Variants in FAM78B observed in about 807,000 individuals in gnomAD.
FAM78B encodes protein FAM78B.
Under a neutral mutation model 20.0 loss-of-function variants are expected in FAM78B, and 10 were observed. The ratio of observed to expected loss-of-function variants is 0.50; its 90% CI spans 0.31 to 0.85. FAM78B has a LOEUF of 0.85. Ranked by LOEUF, FAM78B falls within the 40% of genes least tolerant of loss-of-function variation. FAM78B has a pLI of 0.05. For synonymous variants in FAM78B, 135 were observed against 132.8 expected (o/e 1.02, Z -0.12); for missense variants, 283 against 345.0 (o/e 0.82, Z 1.42).
Position 166,069,810 on chromosome 1 carries a change from C to G in FAM78B, c.*431G>C, listed in dbSNP as rs997589018. On this transcript the variant is annotated 3_prime_UTR_variant, in exon 2 of 2. Coordinates refer to ENST00000354422, the MANE Select transcript of FAM78B (RefSeq NM_001017961.5). ...ATTTCCCCAGCACCCTCCAGTCAGA[C>G]AGCAGGAGTCTGTCTTACGACCACC... is the stretch of plus-strand genomic sequence containing the variant. The G allele has an allele frequency of 5.1e-6, 1 of 197,758 alleles. No individual in the cohort carries two copies. The highest frequency in any genetic ancestry group is 2.4e-5 in the African/African-American group (1 of 42,392). 12.3% of individuals were successfully genotyped at this position (197,758 alleles called of 1,614,324 possible).
intron 1 of FAM78B, among the ~76,000 whole-genome samples, chr1:166,089,836 A>G (rs913434483): frequency 6.6e-6 from 1 of 152,022 alleles, no homozygotes; most frequent in Non-Finnish European, 1.5e-5. Flanking sequence ...CTCCAGGGAA[A>G]AGGGAACTCT....
chr1:166,138,990 G>A (rs556200070), intron 1 of FAM78B, among the ~76,000 whole-genome samples: 4 of 152,304 alleles, frequency 2.6e-5, no homozygotes, highest in African/African-American at 9.6e-5. Flanking sequence ...TGTTCCCTGA[G>A]TTGTCTCCCT....
intron 1 of FAM78B, among the ~76,000 whole-genome samples, chr1:166,138,368 G>A (rs1353241772): frequency 6.6e-6 from 1 of 151,710 alleles, no homozygotes; most frequent in Non-Finnish European, 1.5e-5. Flanking sequence ...AATATCACAG[G>A]GATCTCAAGA....
intron 1 of FAM78B, among the ~76,000 whole-genome samples, chr1:166,111,281 C>T (rs1043872694): frequency 6.6e-6 from 1 of 152,208 alleles, no homozygotes; most frequent in Non-Finnish European, 1.5e-5. Flanking sequence ...GAACTCTCTC[C>T]AGGACTGATA....
At chr1:166,064,127 G>A (rs1651712223) in intron 2 of FAM78B, among the ~76,000 whole-genome samples, 1 of 152,190 alleles carries the variant, frequency 6.6e-6, no homozygotes, top group African/African-American at 2.4e-5. Flanking sequence ...CATGGGGAAT[G>A]GGGCTGCCTC....
Position 166,109,826 on chromosome 1 carries a change from ATATATGTATATATG to A in FAM78B, c.264-39077_264-39064del, listed in dbSNP as rs1415155962. ...TATATGTATATATGTATATATATATATATATGTATATATGTATATATATATATATATATATGTAT... is the reference window on the plus strand; with the variant it reads ...TATATGTATATATGTATATATATATATATATATATATATATATATATGTAT... On this transcript the variant is annotated intron_variant, in intron 1 of 1. Transcript: ENST00000354422. 7.8e-3 allele frequency among the ~76,000 whole-genome samples: 132 copies of A among 16,854 alleles called. 23 individuals carry two copies. Among genetic ancestry groups the A allele is most frequent in the African/African-American group, 0.029 (125 of 4,380 alleles). The allele number at this position is 16,854 out of a possible 152,430, so 11.1% of individuals were successfully genotyped here. A position where few individuals can be genotyped will look rare whatever the true frequency, so the allele number is the denominator to read the frequency against.
chr1:166,162,912 T>C (rs918142373), intron 1 of FAM78B, among the ~76,000 whole-genome samples: 5 of 152,154 alleles, frequency 3.3e-5, no homozygotes, highest in Non-Finnish European at 7.3e-5. Context: ...CCTACCTGAA[T>C]ATTACCCATA....
At chr1:166,152,333 G>A (rs541781761) in intron 1 of FAM78B, among the ~76,000 whole-genome samples, 1 of 152,318 alleles carries the variant, frequency 6.6e-6, no homozygotes, top group Admixed American at 6.5e-5. Context: ...CCACGCTGGC[G>A]GGATGCGGCA....
chr1:166,108,224 T>C (rs1204162046), intron 1 of FAM78B, among the ~76,000 whole-genome samples: 1 of 152,140 alleles, frequency 6.6e-6, no homozygotes, highest in Non-Finnish European at 1.5e-5. Context: ...GCTGACAATA[T>C]GATTGTTTAC....
downstream of FAM78B, among the ~76,000 whole-genome samples, chr1:166,067,582 A>G (rs750856185): frequency 1.3e-5 from 2 of 152,190 alleles, no homozygotes; most frequent in Non-Finnish European, 2.9e-5. Flanking sequence ...CTCTTGTACA[A>G]GAGACTTTCA....
At chr1:166,131,659 G>C (rs142889759) in intron 1 of FAM78B, among the ~76,000 whole-genome samples, 1 of 152,320 alleles carries the variant, frequency 6.6e-6, no homozygotes, top group East Asian at 1.9e-4. Context: ...GAAGAAGACT[G>C]GGGAGAACTA....
In FAM78B at chr1:166,077,779, TAATA is replaced by T. The variant is rs545922612; in HGVS notation, c.264-7020_264-7017del. 8.0e-3 allele frequency among the ~76,000 whole-genome samples: 1,085 copies of T among 136,208 alleles called. 24 individuals carry two copies. The highest frequency in any genetic ancestry group is 0.029 in the African/African-American group (1,027 of 35,780). The allele number at this position is 136,208 out of a possible 152,430, so 89.4% of individuals were successfully genotyped here. The stretch of plus-strand genomic sequence containing the variant: ...CATATATTTATATATGAATTATATA[TAATA>T]AATACATATAATTATATATATTTAT... On this transcript the variant is annotated intron_variant, in intron 1 of 1. Coordinates refer to ENST00000354422, the MANE Select transcript of FAM78B (RefSeq NM_001017961.5).
chr1:166,124,918 C>T (rs1243583654), intron 1 of FAM78B, among the ~76,000 whole-genome samples: 1 of 152,166 alleles, frequency 6.6e-6, no homozygotes, highest in African/African-American at 2.4e-5. Context: ...GACACAGACA[C>T]CCAGCAAGCT....
chr1:166,128,113 A>G (rs1423085113), intron 1 of FAM78B, among the ~76,000 whole-genome samples: 1 of 152,256 alleles, frequency 6.6e-6, no homozygotes, highest in Admixed American at 6.5e-5. Flanking sequence ...AAACTGAGAA[A>G]TAGGAGAGCT....
chr1:166,100,974 G>A (rs182817000), intron 1 of FAM78B, among the ~76,000 whole-genome samples: 1 of 152,334 alleles, frequency 6.6e-6, no homozygotes, highest in African/African-American at 2.4e-5. Flanking sequence ...CACATGGCCA[G>A]GTACCACTCT....
chr1:166,143,797 A>AT (rs1199133067), intron 1 of FAM78B, among the ~76,000 whole-genome samples: 1 of 152,294 alleles, frequency 6.6e-6, no homozygotes, highest in African/African-American at 2.4e-5. Flanking sequence ...CTAAAACACC[A>AT]TAACTGACAA....
At chr1:166,105,113 C>T (rs1653716208) in intron 1 of FAM78B, among the ~76,000 whole-genome samples, 1 of 152,016 alleles carries the variant, frequency 6.6e-6, no homozygotes, top group South Asian at 2.1e-4. Context: ...GAAAGGATTC[C>T]CTATTTAATA....
At chr1:166,155,379 G>A (rs1042947239) in intron 1 of FAM78B, among the ~76,000 whole-genome samples, 6 of 152,114 alleles carry the variant, frequency 3.9e-5, no homozygotes, top group African/African-American at 1.4e-4. Flanking sequence ...GTAGGCCTCC[G>A]TTTCATCTCT....
intron 1 of FAM78B, among the ~76,000 whole-genome samples, chr1:166,106,545 G>A (rs1463285728): frequency 6.6e-6 from 1 of 152,102 alleles, no homozygotes; most frequent in Non-Finnish European, 1.5e-5. Context: ...TGCAGCTGGA[G>A]GTCATTGTCA....
Sources: gnomAD v4.1 joint callset for allele counts (sites outside exome capture counted in the v4.1 genomes callset) on GRCh38, gnomAD v4.1.1 for gene constraint, MANE v1.5 for transcripts, NCBI Gene and HGNC (gene_info 2026-07-23, HGNC 2026-07-21) for gene names.